LRRC4C: variants seen among roughly 807,000 people sequenced by gnomAD.
LRRC4C encodes leucine-rich repeat-containing protein 4C.
In LRRC4C, 5 loss-of-function variants were observed where a neutral mutation model predicts 33.6. The observed-to-expected ratio is 0.15, with a 90% CI of 0.08 to 0.31. The LOEUF (loss-of-function observed/expected upper bound fraction) is 0.31. Ranked by LOEUF, LRRC4C falls within the 10% of genes least tolerant of loss-of-function variation. The probability of loss-of-function intolerance (pLI) is 1.00; values close to 1 mark genes in which losing one functional copy is unlikely to be tolerated. For synonymous variants in LRRC4C, 329 were observed against 302.0 expected, an observed-to-expected ratio of 1.09 and a Z score of -0.93; for missense variants, 560 against 796.7, an observed-to-expected ratio of 0.70 and a Z score of 3.58.
At chr11:40,301,864 AAG>A (rs1279511645) in intron 4 of LRRC4C, among the ~76,000 whole-genome samples, 6 of 152,226 alleles carry the variant, frequency 3.9e-5, no homozygotes, top group Non-Finnish European at 1.5e-5. Context: ...ACACACTTTT[AAG>A]AGACAAAAAT....
chr11:41,281,808 T>C (rs780142449), intron 1 of LRRC4C, among the ~76,000 whole-genome samples: 4 of 152,210 alleles, frequency 2.6e-5, no homozygotes, highest in Non-Finnish European at 5.9e-5. Context: ...CTTTAGTTTG[T>C]GGAGTTTAGT....
intron 1 of LRRC4C, among the ~76,000 whole-genome samples, chr11:41,351,098 T>C (rs951676217): frequency 1.3e-5 from 2 of 152,164 alleles, no homozygotes; most frequent in Admixed American, 1.3e-4. Context: ...CCAAGCACCA[T>C]GGTGTGTGCC....
intron 5 of LRRC4C, among the ~76,000 whole-genome samples, chr11:40,188,591 G>A (rs564652984): frequency 6.6e-6 from 1 of 152,282 alleles, no homozygotes; most frequent in East Asian, 1.9e-4. Context: ...TGAACAAAAA[G>A]ATTTATATCA....
At chr11:40,574,602 T>C (rs1958110216) in intron 3 of LRRC4C, among the ~76,000 whole-genome samples, 1 of 152,198 alleles carries the variant, frequency 6.6e-6, no homozygotes. Context: ...TAATACAATG[T>C]ATTCAAACCT....
At chr11:40,702,557 A>C (rs769563637) in intron 2 of LRRC4C, among the ~76,000 whole-genome samples, 2 of 152,176 alleles carry the variant, frequency 1.3e-5, no homozygotes, top group Non-Finnish European at 2.9e-5. Context: ...CAAGATTATG[A>C]CAACATTGAT....
At chr11:40,683,233 G>GT (rs1316952252) in intron 2 of LRRC4C, among the ~76,000 whole-genome samples, 1 of 152,146 alleles carries the variant, frequency 6.6e-6, no homozygotes, top group African/African-American at 2.4e-5. Context: ...CTGGATATCC[G>GT]TAAGTATAGG....
At chr11:40,346,250 G>T (rs1445305396) in intron 3 of LRRC4C, among the ~76,000 whole-genome samples, 1 of 152,130 alleles carries the variant, frequency 6.6e-6, no homozygotes, top group Admixed American at 6.6e-5. Context: ...ACATGCATTT[G>T]TATGTTCATT....
In LRRC4C at chr11:40,723,229, A is replaced by G. The variant is rs149251492; in HGVS notation, c.-406-74951T>C. 5.6e-4 allele frequency among the ~76,000 whole-genome samples: 85 copies of G among 152,212 alleles called. No individual in the cohort carries two copies. In the Middle Eastern group the frequency reaches 0.01, roughly 18 times the overall value. On this transcript the variant is annotated intron_variant, in intron 2 of 6. Coordinates refer to ENST00000528697, the MANE Select transcript of LRRC4C (RefSeq NM_001258419.2). ...TTTCCCAAAGCTCACTAGAGAGGTC[A>G]ACAGGGGAATATGAAGAATTCAAGT...
chr11:40,595,110 T>C (rs1959202123), intron 3 of LRRC4C, among the ~76,000 whole-genome samples: 1 of 152,066 alleles, frequency 6.6e-6, no homozygotes, highest in African/African-American at 2.4e-5. Context: ...TTTCCCAAGA[T>C]AATAGTGTTA....
chr11:40,615,263 T>C (rs1366093985), intron 3 of LRRC4C, among the ~76,000 whole-genome samples: 37 of 50,296 alleles, frequency 7.4e-4, no homozygotes, highest in African/African-American at 1.4e-3. Flanking sequence ...TATATATATA[T>C]ATACACACAC....
chr11:41,209,542 A>G (rs11036291), intron 1 of LRRC4C, among the ~76,000 whole-genome samples: 36,996 of 151,446 alleles, frequency 0.24, 5,048 homozygotes, highest in East Asian at 0.4. Flanking sequence ...CTACTCGGGA[A>G]GCTGAGGCAG....
intron 6 of LRRC4C, among the ~76,000 whole-genome samples, chr11:40,131,951 G>A (rs1317398759): frequency 6.6e-6 from 1 of 152,038 alleles, no homozygotes; most frequent in African/African-American, 2.4e-5. Flanking sequence ...ACCATCATGG[G>A]TTCCTAAGAA....
rs575250519 is a variant in LRRC4C, at chr11:40,911,001, G to A, written c.-407+22634C>T. Among the ~76,000 whole-genome samples the A allele has an allele frequency of 2.0e-5, 3 of 152,332 alleles. No individual in the cohort carries two copies. The South Asian group carries it at 6.2e-4, about 32-fold the overall frequency. ...CAAGGCAGCAGCAAGGCTGGGGGAG[G>A]GGCGCCTGCCATTGCCGAGACTTGA... On this transcript the variant is annotated intron_variant, in intron 2 of 6. Coordinates refer to ENST00000528697, the MANE Select transcript of LRRC4C (RefSeq NM_001258419.2).
At chr11:40,231,077 A>C (rs1193142020) in intron 5 of LRRC4C, among the ~76,000 whole-genome samples, 2 of 152,204 alleles carry the variant, frequency 1.3e-5, no homozygotes, top group East Asian at 3.9e-4. Flanking sequence ...GTGGAGTCAG[A>C]ACTTCATGGC....
intron 3 of LRRC4C, among the ~76,000 whole-genome samples, chr11:40,495,808 A>C (rs1954404714): frequency 1.2e-5 from 1 of 85,046 alleles, no homozygotes; most frequent in African/African-American, 4.0e-5. Context: ...GTTCTCAATA[A>C]ACATGTTTTT....
chr11:40,912,217 G>A (rs1316039461), intron 2 of LRRC4C, among the ~76,000 whole-genome samples: 1 of 152,074 alleles, frequency 6.6e-6, no homozygotes, highest in African/African-American at 2.4e-5. Context: ...TACTCCTTGA[G>A]AAGAGCAACT....
At chr11:41,125,086 T>A (rs1942670343) in intron 1 of LRRC4C, among the ~76,000 whole-genome samples, 1 of 152,166 alleles carries the variant, frequency 6.6e-6, no homozygotes, top group African/African-American at 2.4e-5. Flanking sequence ...GGAAAACAAC[T>A]ATTATATAGC....
chr11:41,022,142 T>TATATATA (rs1565309607), intron 1 of LRRC4C, among the ~76,000 whole-genome samples: 8 of 139,080 alleles, frequency 5.8e-5, no homozygotes, highest in African/African-American at 1.6e-4. Flanking sequence ...CAATTTTGTT[T>TATATATA]TATATATATA....
chr11:40,481,643 C>A (rs955211051), intron 3 of LRRC4C, among the ~76,000 whole-genome samples: 5 of 151,926 alleles, frequency 3.3e-5, no homozygotes, highest in African/African-American at 1.2e-4. Flanking sequence ...CCATACAATA[C>A]TGATTAATTC....
Sources: allele counts gnomAD v4.1 joint callset (sites outside exome capture counted in the v4.1 genomes callset), GRCh38; gene constraint gnomAD v4.1.1; transcripts MANE v1.5; gene names NCBI Gene and HGNC (gene_info 2026-07-23, HGNC 2026-07-21).